Variants in MBNL2 observed in about 807,000 individuals in gnomAD.
MBNL2 encodes muscleblind-like protein 2.
In MBNL2, 17 loss-of-function variants were observed where a neutral mutation model predicts 41.9. That is an observed-to-expected ratio of 0.41 (90% CI 0.28 to 0.61). The LOEUF is 0.61. Ranked by LOEUF, MBNL2 falls within the 20% of genes least tolerant of loss-of-function variation. MBNL2 has a pLI of 0.35. For synonymous variants in MBNL2, 195 were observed against 182.9 expected (o/e 1.07, Z -0.53); for missense variants, 336 against 505.6 (o/e 0.66, Z 3.22).
chr13:97,309,571 C>T (rs2058404336), intron 2 of MBNL2, among the ~76,000 whole-genome samples: 1 of 152,174 alleles, frequency 6.6e-6, no homozygotes, highest in Non-Finnish European at 1.5e-5. Context: ...CCAGCACACA[C>T]CTTGATCTTG....
At chr13:97,295,966 C>T (rs2056945991) in intron 2 of MBNL2, among the ~76,000 whole-genome samples, 1 of 152,178 alleles carries the variant, frequency 6.6e-6, no homozygotes, top group South Asian at 2.1e-4. Context: ...AGTATGATCT[C>T]ATCTATAAAG....
intron 3 of MBNL2, among the ~76,000 whole-genome samples, chr13:97,337,096 G>A (rs1018592225): frequency 5.3e-5 from 8 of 152,092 alleles, no homozygotes; most frequent in Non-Finnish European, 7.3e-5. Flanking sequence ...ATGGGGAGGC[G>A]ACTAGATCCT....
At chr13:97,188,581 G>A in the MBNL2 span, among the ~76,000 whole-genome samples, 1 of 151,638 alleles carries the variant, frequency 6.6e-6, no homozygotes, top group East Asian at 1.9e-4. Context: ...ACATCTGCAC[G>A]TGTCTGATGC....
chr13:97,352,299 C>A (rs562939020), intron 5 of MBNL2, among the ~76,000 whole-genome samples: 24 of 152,314 alleles, frequency 1.6e-4, no homozygotes, highest in African/African-American at 5.1e-4. Context: ...TTTCGACATG[C>A]CTTCCTCACT....
chr13:97,336,929 CCTT>C (rs1419490862), intron 3 of MBNL2, among the ~76,000 whole-genome samples: 1 of 152,298 alleles, frequency 6.6e-6, no homozygotes, highest in East Asian at 1.9e-4. Flanking sequence ...TTCATTCCCT[CCTT>C]CTTCTGTCCA....
chr13:97,325,595 T>C (rs1180611585), intron 2 of MBNL2, among the ~76,000 whole-genome samples: 1 of 152,064 alleles, frequency 6.6e-6, no homozygotes, highest in Non-Finnish European at 1.5e-5. Context: ...ACTGGCATGG[T>C]GGTAAGCACC....
chr13:97,155,084 G>A, the MBNL2 span, among the ~76,000 whole-genome samples: 7 of 152,226 alleles, frequency 4.6e-5, no homozygotes, highest in South Asian at 2.1e-4. Context: ...GGGAGACCAC[G>A]CTTTTTAAAA....
chr13:97,345,202 A>G (rs968689714), intron 4 of MBNL2, among the ~76,000 whole-genome samples: 1 of 152,182 alleles, frequency 6.6e-6, no homozygotes, highest in African/African-American at 2.4e-5. Context: ...CTTGAATTTC[A>G]TGTCAGGGGC....
chr13:97,381,806 T>C (rs549293528), intron 8 of MBNL2, among the ~76,000 whole-genome samples: 11 of 151,756 alleles, frequency 7.2e-5, no homozygotes, highest in Middle Eastern at 3.2e-3. Context: ...TTTCAATGTA[T>C]ACAACAAGGT....
chr13:97,186,005 G>C, the MBNL2 span, among the ~76,000 whole-genome samples: 3 of 152,198 alleles, frequency 2.0e-5, no homozygotes, highest in African/African-American at 7.2e-5. Context: ...TCTATACCCA[G>C]CTCCTCCAGG....
At chr13:97,340,310 C>T (rs917494926) in intron 3 of MBNL2, among the ~76,000 whole-genome samples, 1 of 152,172 alleles carries the variant, frequency 6.6e-6, no homozygotes, top group African/African-American at 2.4e-5. Flanking sequence ...CTTCGTAAGG[C>T]CTATGAACTT....
At chr13:97,174,409 T>G in the MBNL2 span, among the ~76,000 whole-genome samples, 1 of 152,166 alleles carries the variant, frequency 6.6e-6, no homozygotes, top group Non-Finnish European at 1.5e-5. Flanking sequence ...GAATAAAAAT[T>G]ATACAGACTC....
rs552460347 is a variant in MBNL2 at position 97,322,771 on chromosome 13, C to A, written c.175-11505C>A. Reference sequence around the variant, plus strand: ...ACACAACCCTTCTCCCACTTCTTCCCGGAAGCATTCCCAACTCCGACACCA... The same window carrying A: ...ACACAACCCTTCTCCCACTTCTTCCAGGAAGCATTCCCAACTCCGACACCA... On this transcript the variant is annotated intron_variant, in intron 2 of 8. Coordinates refer to ENST00000679496, the MANE Select transcript of MBNL2 (RefSeq NM_001382683.1). 2.0e-5 allele frequency among the ~76,000 whole-genome samples: 3 copies of A among 152,272 alleles called. No individual in the cohort carries two copies. In the South Asian group the frequency reaches 6.2e-4, roughly 32 times the overall value.
intron 8 of MBNL2, among the ~76,000 whole-genome samples, chr13:97,384,862 A>C (rs964368451): frequency 6.6e-6 from 1 of 152,204 alleles, no homozygotes; most frequent in South Asian, 2.1e-4. Flanking sequence ...CTTTAGGTGA[A>C]TTTTTATCTG....
intron 3 of MBNL2, among the ~76,000 whole-genome samples, chr13:97,339,281 T>C (rs939977343): frequency 1.9e-5 from 1 of 51,788 alleles, no homozygotes; most frequent in Non-Finnish European, 4.7e-5. Context: ...TGTGTGAGTG[T>C]GTGTGGGTGT....
At chr13:97,275,458 C>T (rs1006272377) in intron 1 of MBNL2, among the ~76,000 whole-genome samples, 174 bp from the exon 2 acceptor site, 16 of 152,288 alleles carry the variant, frequency 1.1e-4, no homozygotes, top group East Asian at 1.9e-4. Context: ...TTCTGCAATA[C>T]GGTTTCCGTT....
At chr13:97,201,860 T>C in the MBNL2 span, among the ~76,000 whole-genome samples, 3 of 152,204 alleles carry the variant, frequency 2.0e-5, no homozygotes, top group Non-Finnish European at 4.4e-5. Flanking sequence ...GCAACTTGCA[T>C]GCAAAATAGT....
the MBNL2 span, among the ~76,000 whole-genome samples, chr13:97,144,344 A>G: frequency 6.6e-5 from 10 of 151,592 alleles, no homozygotes; most frequent in Non-Finnish European, 1.3e-4. Context: ...TTCTGCTTAG[A>G]GGACTATAAC....
chr13:97,336,371 G>A (rs566595881), intron 3 of MBNL2, among the ~76,000 whole-genome samples: 5 of 152,126 alleles, frequency 3.3e-5, no homozygotes, highest in Admixed American at 2.0e-4. Flanking sequence ...AATGGCTCTC[G>A]GAGGTACCTG....
Sources: gnomAD v4.1 joint callset for allele counts (sites outside exome capture counted in the v4.1 genomes callset) on GRCh38, gnomAD v4.1.1 for gene constraint, MANE v1.5 for transcripts, NCBI Gene and HGNC (gene_info 2026-07-23, HGNC 2026-07-21) for gene names.